The following ZCCHC7 variants were observed in gnomAD, a reference collection of about 807,000 sequenced individuals.
ZCCHC7 encodes zinc finger CCHC-type containing 7, also known as zinc finger CCHC domain-containing protein 7.
A neutral mutation model predicts 52.0 loss-of-function variants in ZCCHC7; 35 were observed. The observed-to-expected ratio is 0.67, with a 90% CI of 0.51 to 0.89. The LOEUF (loss-of-function observed/expected upper bound fraction) is 0.89, where lower values mean the gene tolerates loss of function less well. ZCCHC7 is among the 40% of genes least tolerant of loss of function. The probability of loss-of-function intolerance (pLI) is 0.00; values close to 1 mark genes in which losing one functional copy is unlikely to be tolerated. For synonymous variants in ZCCHC7, 217 were observed against 221.5 expected (o/e 0.98, Z 0.18); for missense variants, 574 against 649.1 (o/e 0.88, Z 1.26).
intron 2 of ZCCHC7, among the ~76,000 whole-genome samples, chr9:37,175,676 C>T (rs571530097): frequency 2.0e-4 from 30 of 152,168 alleles, no homozygotes; most frequent in African/African-American, 4.8e-4. Context: ...AGGAGGCTGA[C>T]GCTGCAGTGA....
At chr9:37,167,331 G>A (rs1285019868) in intron 2 of ZCCHC7, among the ~76,000 whole-genome samples, 1 of 151,110 alleles carries the variant, frequency 6.6e-6, no homozygotes. Flanking sequence ...TGAACTCCTG[G>A]CCTCAGCTTC....
intron 2 of ZCCHC7, among the ~76,000 whole-genome samples, chr9:37,214,402 A>T (rs1824397338): frequency 1.3e-5 from 2 of 152,046 alleles, no homozygotes; most frequent in Non-Finnish European, 2.9e-5. Context: ...CATTGAAGCT[A>T]TTATACTTAA....
At chr9:37,260,594 C>T (rs545505351) in intron 2 of ZCCHC7, among the ~76,000 whole-genome samples, 2 of 152,256 alleles carry the variant, frequency 1.3e-5, no homozygotes, top group Admixed American at 6.5e-5. Context: ...TTTATATTGC[C>T]GAAGTACTAA....
At chr9:37,260,411 C>G (rs982947888) in intron 2 of ZCCHC7, among the ~76,000 whole-genome samples, 1 of 152,190 alleles carries the variant, frequency 6.6e-6, no homozygotes, top group African/African-American at 2.4e-5. Context: ...GACATATTTC[C>G]TCTGTTCTGT....
intron 2 of ZCCHC7, among the ~76,000 whole-genome samples, chr9:37,154,907 A>G (rs1820727280): frequency 6.6e-6 from 1 of 152,218 alleles, no homozygotes; most frequent in Non-Finnish European, 1.5e-5. Context: ...TCAGATTTTT[A>G]TTAAAGTATA....
intron 2 of ZCCHC7, among the ~76,000 whole-genome samples, chr9:37,261,369 C>T (rs754928237): frequency 6.6e-6 from 1 of 152,236 alleles, no homozygotes; most frequent in Non-Finnish European, 1.5e-5. Flanking sequence ...CACTCAGCCA[C>T]TTCTTTGCTT....
At chr9:37,353,778 T>C (rs147663759) in intron 7 of ZCCHC7, among the ~76,000 whole-genome samples, 49 of 152,360 alleles carry the variant, frequency 3.2e-4, no homozygotes, top group African/African-American at 1.1e-3. Context: ...GGCTTAATTT[T>C]ATGTGGATTT....
intron 2 of ZCCHC7, among the ~76,000 whole-genome samples, chr9:37,269,384 G>A (rs1181681163): frequency 6.6e-6 from 1 of 152,090 alleles, no homozygotes; most frequent in Non-Finnish European, 1.5e-5. Flanking sequence ...AGGCTACTGG[G>A]AGGCTGAGGC....
chr9:37,165,965 T>A (rs1289089423), intron 2 of ZCCHC7, among the ~76,000 whole-genome samples: 1 of 152,232 alleles, frequency 6.6e-6, no homozygotes, highest in Non-Finnish European at 1.5e-5. Flanking sequence ...TTTAATTTTT[T>A]AAATAGACAT....
chr9:37,174,761 T>C (rs1821925716), intron 2 of ZCCHC7, among the ~76,000 whole-genome samples: 1 of 152,188 alleles, frequency 6.6e-6, no homozygotes, highest in Non-Finnish European at 1.5e-5. Flanking sequence ...GTATTCACTG[T>C]CTAGGAAAAT....
intron 2 of ZCCHC7, among the ~76,000 whole-genome samples, chr9:37,290,187 T>C (rs2133622899): frequency 6.6e-6 from 1 of 152,334 alleles, no homozygotes. Flanking sequence ...ATCCCAAGCA[T>C]CTAGAATAGT....
chr9:37,233,922 C>T (rs28545726), intron 2 of ZCCHC7, among the ~76,000 whole-genome samples: 3,204 of 152,226 alleles, frequency 0.021, 118 homozygotes, highest in African/African-American at 0.071. Context: ...GGCACGATCT[C>T]GGCTCACTGC....
At chr9:37,126,182 T>A in intron 1 of ZCCHC7, 130 bp from the exon 2 acceptor site, 1 of 935,622 alleles carries the variant, frequency 1.1e-6, no homozygotes, top group Non-Finnish European at 1.6e-6. Flanking sequence ...GAAAAAAAGG[T>A]ATTTTAATAT....
At chr9:37,340,539 A>C (rs1042868972) in intron 6 of ZCCHC7, among the ~76,000 whole-genome samples, 2 of 152,184 alleles carry the variant, frequency 1.3e-5, no homozygotes, top group African/African-American at 4.8e-5. Context: ...CCTTGCATTT[A>C]ACTTTTTGTC....
At chr9:37,151,998 TA>T (rs1302850049) in intron 2 of ZCCHC7, among the ~76,000 whole-genome samples, 2 of 151,986 alleles carry the variant, frequency 1.3e-5, no homozygotes, top group Non-Finnish European at 2.9e-5. Flanking sequence ...TTCCTCCTTT[TA>T]AAAAAATGAA....
At chr9:37,211,767 G>T (rs918809782) in intron 2 of ZCCHC7, among the ~76,000 whole-genome samples, 1 of 152,016 alleles carries the variant, frequency 6.6e-6, no homozygotes. Context: ...GGTGGCTCAC[G>T]CCTGTAATCA....
chr9:37,295,011 C>T (rs1828717715), intron 2 of ZCCHC7, among the ~76,000 whole-genome samples: 1 of 152,048 alleles, frequency 6.6e-6, no homozygotes, highest in African/African-American at 2.4e-5. Context: ...AATATGAATA[C>T]CTATGGTAAC....
At chr9:37,247,790 C>T (rs865861253) in intron 2 of ZCCHC7, among the ~76,000 whole-genome samples, 3 of 152,014 alleles carry the variant, frequency 2.0e-5, no homozygotes, top group Middle Eastern at 3.4e-3. Context: ...GTGGCATGTG[C>T]CTATAGTCCC....
chr9:37,356,948 A>C lies in ZCCHC7; in HGVS notation c.1312A>C (p.Arg438=), dbSNP rs1354269756. The change falls in exon 9 of 9, where the codon AGG becomes CGG. Residue 438 remains arginine, a synonymous_variant. Coordinates refer to ENST00000336755, the MANE Select transcript of ZCCHC7 (RefSeq NM_032226.3). The stretch of plus-strand genomic sequence containing the variant: ...GGGCCGTGCCTCATGGAAAAGCAAC[A>C]GGTGGCCTCAAGAAAATAAAGAAAC... The part of the protein sequence containing the change: ...RKGRASWKSN[R]WPQENKETQK... 1.2e-6 allele frequency: 2 copies of C among 1,613,848 alleles called. No homozygotes were observed. The highest frequency in any genetic ancestry group is 1.7e-6 in the Non-Finnish European group (2 of 1,179,976).
Sources: allele counts gnomAD v4.1 joint callset (sites outside exome capture counted in the v4.1 genomes callset), GRCh38; gene constraint gnomAD v4.1.1; transcripts MANE v1.5; gene names NCBI Gene and HGNC (gene_info 2026-07-23, HGNC 2026-07-21).